The following MAK16 variants were observed in gnomAD, a reference collection of about 807,000 sequenced individuals.
MAK16 encodes protein MAK16 homolog.
MAK16 carries 12 observed loss-of-function variants against 49.9 expected under a neutral mutation model. The ratio of observed to expected loss-of-function variants is 0.24; its 90% CI spans 0.15 to 0.39. The LOEUF (loss-of-function observed/expected upper bound fraction) is 0.39, where lower values mean the gene tolerates loss of function less well. Ranked by LOEUF, MAK16 falls within the 10% of genes least tolerant of loss-of-function variation. The probability of loss-of-function intolerance (pLI) is 1.00; values close to 1 mark genes in which losing one functional copy is unlikely to be tolerated. For missense variants in MAK16, 292 were observed against 363.7 expected (o/e 0.80, Z 1.60); for synonymous variants, 115 against 126.4 (o/e 0.91, Z 0.60).
intron 9 of MAK16, 141 bp downstream of exon 9, chr8:33,497,438 G>A (rs985560827): frequency 2.6e-5 from 16 of 623,974 alleles, no homozygotes; most frequent in Non-Finnish European, 4.0e-5. Context: ...GATTGTTTGA[G>A]CTCAGGAGTT....
Position 33,499,304 on chromosome 8 carries a change from GAT to G in MAK16, c.*678_*679del, listed in dbSNP as rs774114908. 1 of 1,505,650 alleles carries G rather than the reference GAT, an allele frequency of 6.6e-7. No individual in the cohort carries two copies. Among genetic ancestry groups the G allele is most frequent in the Non-Finnish European group, 9.2e-7 (1 of 1,085,516 alleles). The allele number at this position is 1,505,650 out of a possible 1,614,324, so 93.3% of individuals were successfully genotyped here. ...TGAAACATGAAACCAAACAGGCTTT[GAT>G]ATTTTTTTTTTTTTAATTACTTTCC... On this transcript the variant is annotated 3_prime_UTR_variant, in exon 10 of 10. Transcript: ENST00000360128.
rs7845005 is a variant in MAK16, at chr8:33,494,592, C to T, written c.448-950C>T. ...GAGATATCTGGCTCACTGTATCTGA[C>T]ACACAACTATTTACTTTATAGACAG... On this transcript the variant is annotated intron_variant, in intron 6 of 9. Coordinates refer to ENST00000360128, the MANE Select transcript of MAK16 (RefSeq NM_032509.4). Among the ~76,000 whole-genome samples, 1,044 of 152,308 alleles carry T rather than the reference C, an allele frequency of 6.9e-3. 18 individuals are homozygous for T. Among genetic ancestry groups the T allele is most frequent in the African/African-American group, 0.024 (998 of 41,558 alleles).
chr8:33,496,734 A>ATGATGT lies in MAK16; in HGVS notation c.635_636insTGTTGA (p.Asp211_Glu212insAspVal). On this transcript the variant is annotated inframe_insertion, in exon 8 of 10. Coordinates refer to ENST00000360128, the MANE Select transcript of MAK16 (RefSeq NM_032509.4). ...GAGGAAAAAGATGATGATGATGATG[A>ATGATGT]TGAGGAAGTAAGTCTTGTTTTTGTT... 1 of 1,607,548 alleles carries ATGATGT rather than the reference A, an allele frequency of 6.2e-7. No individual in the cohort carries two copies.
rs1008977838 is a variant in MAK16, at chr8:33,500,093, A to G, written c.*1464A>G. ...CCCATACTGTCTCGTCCTTAGCCCC[A>G]GTGACATGTGCTGATCCTCCTGCCT... On this transcript the variant is annotated 3_prime_UTR_variant, in exon 10 of 10. Transcript: ENST00000360128. 2.1e-6 allele frequency: 1 copy of G among 474,472 alleles called. No homozygotes were observed. The highest frequency in any genetic ancestry group is 3.8e-6 in the Non-Finnish European group (1 of 263,700). The allele number at this position is 474,472 out of a possible 1,614,324, so 29.4% of individuals were successfully genotyped here. A position where few individuals can be genotyped will look rare whatever the true frequency, so the allele number is the denominator to read the frequency against.
chr8:33,498,290 AAAT>A, intron 9 of MAK16, 139 bp from the exon 10 acceptor site: 2 of 734,256 alleles, frequency 2.7e-6, no homozygotes, highest in East Asian at 2.9e-5. Flanking sequence ...AAAAAAAAAA[AAAT>A]TAAAGAAAGG....
chr8:33,488,904 C>T, intron 4 of MAK16, 84 bp from the exon 5 acceptor site: 1 of 1,602,142 alleles, frequency 6.2e-7, no homozygotes, highest in South Asian at 1.1e-5. Flanking sequence ...AGGCCATCCT[C>T]ATTAGGCCAT....
Position 33,488,726 on chromosome 8 carries a change from A to G in MAK16, c.176-8A>G. The G allele has an allele frequency of 5.6e-6, 9 of 1,614,172 alleles. No homozygotes were observed. The highest frequency in any genetic ancestry group is 7.6e-6 in the Non-Finnish European group (9 of 1,179,994). ...AATAACACTAAAGCTATTTTACTTT[A>G]TCTTCAGGACAGTGCTACTTGTATA... is the stretch of plus-strand genomic sequence containing the variant. On this transcript the variant is annotated splice_polypyrimidine_tract_variant and splice_region_variant and intron_variant, in intron 3 of 9. Coordinates refer to ENST00000360128, the MANE Select transcript of MAK16 (RefSeq NM_032509.4).
chr8:33,487,079 G>A (rs150001309), intron 1 of MAK16, among the ~76,000 whole-genome samples: 18 of 152,220 alleles, frequency 1.2e-4, no homozygotes, highest in Middle Eastern at 3.4e-3. Flanking sequence ...CAGTGGTAAA[G>A]CTTTTTTTTA....
At position 33,489,111 on chromosome 8, in the gene MAK16, C is replaced by A. The variant is rs1189084032; in HGVS notation, c.364C>A (p.Arg122=). ...RFTKITQYLI[R]IRKLTLKRQR... ...CACCAAGATCACCCAATACCTAATT[C>A]GAATTAGAAAACTTACACTAAAGCG... is the stretch of plus-strand genomic sequence containing the variant. Residue 122 remains arginine, a synonymous_variant, in exon 5 of 10, where the codon CGA becomes AGA. Transcript: ENST00000360128. This position sits in a 1 kb window ranked among gnomAD's most constrained non-coding sequence, Gnocchi z 4.2. 2 of 1,613,434 alleles carry A rather than the reference C, an allele frequency of 1.2e-6. No homozygotes were observed. The highest frequency in any genetic ancestry group is 2.7e-5 in the African/African-American group (2 of 74,898).
At chr8:33,493,879 G>A (rs775134581) in intron 6 of MAK16, among the ~76,000 whole-genome samples, 1 of 151,384 alleles carries the variant, frequency 6.6e-6, no homozygotes, top group Non-Finnish European at 1.5e-5. Context: ...GCCATATGTA[G>A]ATATAATCAG....
At position 33,499,750 on chromosome 8, in the gene MAK16, A is replaced by G. The variant is rs1325107872; in HGVS notation, c.*1121A>G. 7.9e-5 allele frequency: 13 copies of G among 164,192 alleles called. No homozygotes were observed. The highest frequency in any genetic ancestry group is 7.7e-4 in the Admixed American group (13 of 16,842). The allele number at this position is 164,192 out of a possible 1,614,324, so 10.2% of individuals were successfully genotyped here. On this transcript the variant is annotated 3_prime_UTR_variant, in exon 10 of 10. Coordinates refer to ENST00000360128, the MANE Select transcript of MAK16 (RefSeq NM_032509.4). ...TGCTACCTTCAATCTTCAACTAAAG[A>G]TTTCTAAAAGGGGTAAGAAATGAGG...
At position 33,500,588 on chromosome 8, in the gene MAK16, A is replaced by C. The variant is rs1429606815; in HGVS notation, c.*1959A>C. 2 of 1,430,390 alleles carry C rather than the reference A, an allele frequency of 1.4e-6. No individual in the cohort carries two copies. 88.6% of individuals were successfully genotyped at this position (1,430,390 alleles called of 1,614,324 possible). On this transcript the variant is annotated 3_prime_UTR_variant, in exon 10 of 10. Transcript: ENST00000360128. ...GTCAAGTGGAAAGCTATCATTTCCT[A>C]AATTAAGGAACTTAGGTCAAAGTTA...
At chr8:33,497,023 T>C (rs1024914832) in intron 8 of MAK16, among the ~76,000 whole-genome samples, 9 of 152,218 alleles carry the variant, frequency 5.9e-5, no homozygotes, top group Non-Finnish European at 1.3e-4. Context: ...ATGAGGATGT[T>C]TTATTGCTAA....
Position 33,499,019 on chromosome 8 carries a change from C to T in MAK16, c.*390C>T. ...TCAATTTTTTCTTGTTCTACTTTCC[C>T]TATTCTTATGGAGGTAAAAGGAAAG... On this transcript the variant is annotated 3_prime_UTR_variant, in exon 10 of 10. Coordinates refer to ENST00000360128, the MANE Select transcript of MAK16 (RefSeq NM_032509.4). 1.5e-6 allele frequency: 1 copy of T among 667,400 alleles called. No homozygotes were observed. The highest frequency in any genetic ancestry group is 2.6e-6 in the Non-Finnish European group (1 of 390,362). The allele number at this position is 667,400 out of a possible 1,614,324, so 41.3% of individuals were successfully genotyped here.
intron 1 of MAK16, chr8:33,485,654 T>C (rs1808676296): frequency 4.6e-6 from 1 of 217,370 alleles, no homozygotes; most frequent in Non-Finnish European, 9.5e-6. Context: ...TTACATTTGC[T>C]CTACTTCTGC....
intron 1 of MAK16, among the ~76,000 whole-genome samples, chr8:33,487,992 A>G (rs1234192633): frequency 6.6e-6 from 1 of 151,586 alleles, no homozygotes; most frequent in Non-Finnish European, 1.5e-5. Context: ...GCAATGGCAC[A>G]ATCTCGGCTC....
In MAK16 at chr8:33,497,232, G is replaced by A. The variant is rs749662273; in HGVS notation, c.640G>A (p.Asp214Asn). Residue 214 changes from aspartate to asparagine, a missense_variant and splice_region_variant, in exon 9 of 10, where the codon GAT (aspartate) becomes AAT (asparagine). By Grantham distance (23) the Asp-to-Asn change is conservative. Transcript: ENST00000360128. ...CCTAACAGTTATGTTTTATTTATAG[G>A]ATGTGGGGAAAAGAGAATTTGTCGA... Reference protein sequence around the residue: ...EKDDDDDDEEDVGKREFVEDG... With the variant: ...EKDDDDDDEENVGKREFVEDG... The A allele has an allele frequency of 1.2e-6, 2 of 1,605,680 alleles. No individual in the cohort carries two copies. Among genetic ancestry groups the A allele is most frequent in the Non-Finnish European group, 1.7e-6 (2 of 1,173,348 alleles).
intron 7 of MAK16, 69 bp from the exon 8 acceptor site, chr8:33,496,556 C>T: frequency 5.9e-6 from 7 of 1,182,498 alleles, no homozygotes; most frequent in Non-Finnish European, 2.4e-6. Context: ...TAATATTCTC[C>T]ACAGAAAGTG....
Position 33,495,474 on chromosome 8 carries a change from C to T in MAK16, c.448-68C>T, listed in dbSNP as rs909599385. The T allele has an allele frequency of 1.2e-4, 162 of 1,332,230 alleles. No individual in the cohort carries two copies. The Middle Eastern group carries it at 5.0e-3, about 42-fold the overall frequency. 82.5% of individuals were successfully genotyped at this position (1,332,230 alleles called of 1,614,324 possible). On this transcript the variant is annotated intron_variant, in intron 6 of 9. Transcript: ENST00000360128. ...TTTCTTATAAACAACTTGGTAGTTT[C>T]TTCCATTTTTATAAGATGAGTAATG...
Sources: gnomAD v4.1 joint callset for allele counts (sites outside exome capture counted in the v4.1 genomes callset) on GRCh38, gnomAD v4.1.1 for gene constraint, Gnocchi (gnomAD v3.1) non-coding constraint, MANE v1.5 for transcripts, NCBI Gene and HGNC (gene_info 2026-07-23, HGNC 2026-07-21) for gene names.